Variants in RND3 observed in about 807,000 individuals in gnomAD.
RND3 encodes Rho family GTPase 3, also known as rho-related GTP-binding protein RhoE.
A neutral mutation model predicts 26.5 loss-of-function variants in RND3; 8 were observed. The observed-to-expected ratio is 0.30, with a 90% CI of 0.18 to 0.54. The LOEUF is 0.54. Among genes scored for constraint, RND3 ranks in the 20% least tolerant of loss-of-function variants. The pLI, the probability that RND3 is intolerant of heterozygous loss-of-function variation, is 0.94. For missense variants in RND3, 207 were observed against 302.8 expected (o/e 0.68, Z 2.35); for synonymous variants, 113 against 113.0 (o/e 1.00, Z 0.00).
intron 3 of RND3, among the ~76,000 whole-genome samples, chr2:150,475,580 TA>T (rs1281164946): frequency 6.6e-6 from 1 of 152,074 alleles, no homozygotes; most frequent in Non-Finnish European, 1.5e-5. Flanking sequence ...GACAGCAGGA[TA>T]GGGGTGAATG....
intron 5 of RND3, among the ~76,000 whole-genome samples, chr2:150,471,024 A>G (rs1686082113): frequency 1.3e-5 from 2 of 152,240 alleles, no homozygotes; most frequent in Admixed American, 1.3e-4. Context: ...ACCAACGTAC[A>G]CAACAATAAG....
chr2:150,474,289 T>A (rs1686131067), intron 4 of RND3, among the ~76,000 whole-genome samples: 1 of 152,190 alleles, frequency 6.6e-6, no homozygotes, highest in Non-Finnish European at 1.5e-5. Flanking sequence ...ATAAACTATG[T>A]GTACATTATA....
At chr2:150,470,991 A>G (rs1686081464) in intron 5 of RND3, among the ~76,000 whole-genome samples, 1 of 152,242 alleles carries the variant, frequency 6.6e-6, no homozygotes, top group Non-Finnish European at 1.5e-5. Flanking sequence ...CAACATATGT[A>G]ATTTCTAAGT....
chr2:150,487,472 A>ATATATATATATATATATATATATATATAT lies in RND3; in HGVS notation c.-38-18_-38-17insATATATATATATATATATATATATATATA, dbSNP rs1395547619. 1.5e-5 allele frequency: 5 copies of ATATATATATATATATATATATATATATAT among 341,658 alleles called. No individual in the cohort carries two copies. Among genetic ancestry groups the ATATATATATATATATATATATATATATAT allele is most frequent in the African/African-American group, 3.6e-5 (1 of 27,754 alleles). 21.2% of individuals were successfully genotyped at this position (341,658 alleles called of 1,614,324 possible). On this transcript the variant is annotated splice_polypyrimidine_tract_variant and intron_variant, in intron 1 of 5. Coordinates refer to ENST00000263895, the MANE Select transcript of RND3 (RefSeq NM_005168.5). ...GAATTTTCTCTTAAGAAGAAAAAAA[A>ATATATATATATATATATATATATATATAT]AAATATATATATATATATATATTTC...
intron 4 of RND3, 47 bp downstream of exon 4, chr2:150,474,828 T>A: frequency 9.2e-7 from 1 of 1,088,030 alleles, no homozygotes; most frequent in South Asian, 1.3e-5. Context: ...CGTTTCTATT[T>A]ATACATCACC....
chr2:150,486,973 G>A lies in RND3; in HGVS notation c.151-192C>T, dbSNP rs1288280568. ...GTCCTACTCCCCACTCACCCCACCC[G>A]GCTCTCACAGATCTGCTGACCCGAA... On this transcript the variant is annotated intron_variant, in intron 2 of 5. Transcript: ENST00000263895. This position sits in a 1 kb window ranked among gnomAD's most constrained non-coding sequence, Gnocchi z 4.5. 8 of 623,382 alleles carry A rather than the reference G, an allele frequency of 1.3e-5. No homozygotes were observed. The highest frequency in any genetic ancestry group is 5.5e-5 in the South Asian group (3 of 54,160). The allele number at this position is 623,382 out of a possible 1,614,324, so 38.6% of individuals were successfully genotyped here.
At chr2:150,481,172 T>C (rs1466563062) in intron 3 of RND3, among the ~76,000 whole-genome samples, 1 of 152,182 alleles carries the variant, frequency 6.6e-6, no homozygotes, top group East Asian at 1.9e-4. Flanking sequence ...AAGGGAATTG[T>C]GGTGGGCCTC....
intron 4 of RND3, among the ~76,000 whole-genome samples, chr2:150,472,162 T>C (rs1024721125): frequency 1.4e-4 from 21 of 151,952 alleles, no homozygotes; most frequent in African/African-American, 5.1e-4. Flanking sequence ...TGATCCTCCT[T>C]CACTAGAAGG....
rs544751813 is a variant in RND3 at position 150,486,470 on chromosome 2, C to A, written c.238+224G>T. Among the ~76,000 whole-genome samples the A allele has an allele frequency of 2.4e-4, 36 of 152,368 alleles. No homozygotes were observed. The highest frequency in any genetic ancestry group is 8.7e-4 in the African/African-American group (36 of 41,594). ...CTAGTGGCTCCAACCGCGGGGTCAC[C>A]CTGCGGGCACACAGCGCTCTCCTCT... On this transcript the variant is annotated intron_variant, in intron 3 of 5. Transcript: ENST00000263895. The surrounding 1 kb of genome is among the most constrained non-coding windows in gnomAD (Gnocchi z 4.5).
rs749091090 is a variant in RND3 at position 150,486,644 on chromosome 2, C to T, written c.238+50G>A. On this transcript the variant is annotated intron_variant, in intron 3 of 5. Transcript: ENST00000263895. This position sits in a 1 kb window ranked among gnomAD's most constrained non-coding sequence, Gnocchi z 4.5. The stretch of plus-strand genomic sequence containing the variant: ...TTTCCCGAGACCCGCCGCGCATCCC[C>T]CAGCGACTGGAAACCCGCCCCAAGC... The T allele has an allele frequency of 1.5e-5, 20 of 1,317,082 alleles. No homozygotes were observed. Among genetic ancestry groups the T allele is most frequent in the East Asian group, 4.6e-5 (2 of 43,548 alleles). The allele number at this position is 1,317,082 out of a possible 1,614,324, so 81.6% of individuals were successfully genotyped here. A position where few individuals can be genotyped will look rare whatever the true frequency, so the allele number is the denominator to read the frequency against.
chr2:150,476,376 C>T (rs972743560), intron 3 of RND3, among the ~76,000 whole-genome samples: 6 of 152,176 alleles, frequency 3.9e-5, no homozygotes, highest in Non-Finnish European at 5.9e-5. Flanking sequence ...CAGGGGGCAT[C>T]GCCCTCTATT....
At chr2:150,473,832 G>GA (rs915315534) in intron 4 of RND3, among the ~76,000 whole-genome samples, 37 of 152,120 alleles carry the variant, frequency 2.4e-4, no homozygotes, top group African/African-American at 8.4e-4. Flanking sequence ...AAATTAAAAT[G>GA]AAAAAAACAA....
chr2:150,487,071 C>G, intron 2 of RND3, 197 bp downstream of exon 2: 1 of 606,944 alleles, frequency 1.6e-6, no homozygotes, highest in East Asian at 2.8e-5. Context: ...GCAGGCGCGT[C>G]CCAACCCTAA....
chr2:150,475,982 T>C (rs940040897), intron 3 of RND3, among the ~76,000 whole-genome samples: 3 of 152,214 alleles, frequency 2.0e-5, no homozygotes, highest in African/African-American at 7.2e-5. Flanking sequence ...CCTATAGTTA[T>C]GAAATGATTG....
At chr2:150,481,560 T>C (rs1301654479) in intron 3 of RND3, among the ~76,000 whole-genome samples, 1 of 152,166 alleles carries the variant, frequency 6.6e-6, no homozygotes, top group African/African-American at 2.4e-5. Flanking sequence ...TATCACATGG[T>C]GAAACTGTGA....
At chr2:150,484,198 G>A (rs972377249) in intron 3 of RND3, among the ~76,000 whole-genome samples, 1 of 152,192 alleles carries the variant, frequency 6.6e-6, no homozygotes, top group Non-Finnish European at 1.5e-5. Flanking sequence ...TTGGATAACT[G>A]CTGTATGCAA....
Position 150,487,474 on chromosome 2 carries a change from A to AAAAAATATATAT in RND3, c.-38-20_-38-19insATATATATTTTT. ...ATTTTCTCTTAAGAAGAAAAAAAAA[A>AAAAAATATATAT]ATATATATATATATATATATTTCTC... is the stretch of plus-strand genomic sequence containing the variant. On this transcript the variant is annotated intron_variant, in intron 1 of 5. Transcript: ENST00000263895. The AAAAAATATATAT allele has an allele frequency of 1.2e-3, 239 of 200,786 alleles. 1 individual carries two copies. The highest frequency in any genetic ancestry group is 3.7e-3 in the African/African-American group (134 of 36,646). 12.4% of individuals were successfully genotyped at this position (200,786 alleles called of 1,614,324 possible).
At chr2:150,474,112 G>A (rs773621561) in intron 4 of RND3, among the ~76,000 whole-genome samples, 3 of 152,168 alleles carry the variant, frequency 2.0e-5, no homozygotes, top group African/African-American at 4.8e-5. Context: ...CCTGGAGGCT[G>A]AGTCTCAACT....
intron 2 of RND3, 32 bp downstream of exon 2, chr2:150,487,236 C>A (rs1271776962): frequency 1.3e-6 from 2 of 1,550,756 alleles, no homozygotes; most frequent in Non-Finnish European, 1.7e-6. Context: ...CTGGCCGACC[C>A]CCTCGTGGAA....
Sources: gnomAD v4.1 joint callset for allele counts (sites outside exome capture counted in the v4.1 genomes callset) on GRCh38, gnomAD v4.1.1 for gene constraint, Gnocchi (gnomAD v3.1) non-coding constraint, MANE v1.5 for transcripts, NCBI Gene and HGNC (gene_info 2026-07-23, HGNC 2026-07-21) for gene names.